The following PDE6B variants were observed in gnomAD, a reference collection of about 807,000 sequenced individuals.
The protein encoded by PDE6B is phosphodiesterase 6B, also known as rod cGMP-specific 3',5'-cyclic phosphodiesterase subunit beta.
A neutral mutation model predicts 109.0 loss-of-function variants in PDE6B; 106 were observed. The observed-to-expected ratio is 0.97, with a 90% CI of 0.83 to 1.14. The LOEUF (loss-of-function observed/expected upper bound fraction) is 1.14, where lower values mean the gene tolerates loss of function less well. Among genes scored for constraint, PDE6B ranks in the 50% most tolerant of loss-of-function variants. The probability of loss-of-function intolerance (pLI) is 0.00; values close to 1 mark genes in which losing one functional copy is unlikely to be tolerated. For synonymous variants in PDE6B, 490 were observed against 471.3 expected, an observed-to-expected ratio of 1.04 and a Z score of -0.51; for missense variants, 1,193 against 1,155.6, an observed-to-expected ratio of 1.03 and a Z score of -0.47.
chr4:638,225 C>T lies in PDE6B; in HGVS notation c.711+2256C>T, dbSNP rs1274828683. 3.3e-5 allele frequency among the ~76,000 whole-genome samples: 5 copies of T among 152,202 alleles called. No homozygotes were observed. The East Asian group carries it at 7.7e-4, about 23-fold the overall frequency. ...CACGTCTATTCATTTACATATTTGC[C>T]ATCTGTACATCTTAATCTTTGGTGA... On this transcript the variant is annotated intron_variant, in intron 3 of 21. Transcript: ENST00000496514.
At chr4:647,868 T>A (rs1471946522) in intron 3 of PDE6B, among the ~76,000 whole-genome samples, 1 of 150,896 alleles carries the variant, frequency 6.6e-6, no homozygotes, top group Non-Finnish European at 1.5e-5. Flanking sequence ...AGGTCAGGAG[T>A]TCGAGACCAG....
In PDE6B at chr4:636,001, G is replaced by C. The variant is rs369780942; in HGVS notation, c.711+32G>C. On this transcript the variant is annotated intron_variant, in intron 3 of 21. Transcript: ENST00000496514. The surrounding 1 kb of genome is among the most constrained non-coding windows in gnomAD (Gnocchi z 4.5). ...ACACGCTGAGCACAGCTCTGCCCAC[G>C]AGGGCCAGGGTCCCTCCGCCCATCT... 1.9e-5 allele frequency: 24 copies of C among 1,284,196 alleles called. No individual in the cohort carries two copies. The allele number at this position is 1,284,196 out of a possible 1,614,324, so 79.6% of individuals were successfully genotyped here.
At position 667,301 on chromosome 4, in the gene PDE6B, G is replaced by A. The variant is rs576553388; in HGVS notation, c.2353-555G>A. 2.8e-4 allele frequency among the ~76,000 whole-genome samples: 42 copies of A among 151,602 alleles called. No individual in the cohort carries two copies. The South Asian group carries it at 8.0e-3, about 29-fold the overall frequency. On this transcript the variant is annotated intron_variant, in intron 20 of 21. Transcript: ENST00000496514. ...CCGGAGTGGGCTGTGCCCACTCCCC[G>A]CCCCATCCTACCCACCCCGGGTCGT...
intron 3 of PDE6B, among the ~76,000 whole-genome samples, chr4:644,700 T>A (rs1735114867): frequency 6.6e-6 from 1 of 151,910 alleles, no homozygotes; most frequent in African/African-American, 2.4e-5. Flanking sequence ...CACCTACTTT[T>A]TATATTTTTA....
At chr4:660,293 CA>C (rs1736908075) in intron 11 of PDE6B, among the ~76,000 whole-genome samples, 173 bp from the exon 12 acceptor site, 2 of 152,180 alleles carry the variant, frequency 1.3e-5, no homozygotes, top group Non-Finnish European at 2.9e-5. Context: ...GAGGCTGAGC[CA>C]GGGGGGCGTG....
chr4:665,017 C>G lies in PDE6B; in HGVS notation c.2193+73C>G, dbSNP rs561529517. ...ATGGGACTGCCGGGCGGGCGGGAGC[C>G]TCGGATGGCAACGGACCATTGTTTG... On this transcript the variant is annotated intron_variant, in intron 18 of 21. Coordinates refer to ENST00000496514, the MANE Select transcript of PDE6B (RefSeq NM_000283.4). This position sits in a 1 kb window ranked among gnomAD's most constrained non-coding sequence, Gnocchi z 4.0. 4.8e-6 allele frequency: 6 copies of G among 1,241,018 alleles called. No homozygotes were observed. The East Asian group carries it at 1.4e-4, about 29-fold the overall frequency. 76.9% of individuals were successfully genotyped at this position (1,241,018 alleles called of 1,614,324 possible). A position where few individuals can be genotyped will look rare whatever the true frequency, so the allele number is the denominator to read the frequency against.
intron 3 of PDE6B, among the ~76,000 whole-genome samples, chr4:645,698 CCT>C (rs1039698216): frequency 2.0e-5 from 3 of 152,034 alleles, no homozygotes; most frequent in South Asian, 2.1e-4. Flanking sequence ...ATTATCATCC[CCT>C]CTTTTTTTCT....
intron 21 of PDE6B, among the ~76,000 whole-genome samples, chr4:669,164 C>T (rs77548085): frequency 5.7e-4 from 1 of 1,750 alleles, no homozygotes; most frequent in Non-Finnish European, 1.2e-3. Flanking sequence ...CACTACCCCA[C>T]GCTATTCCCC....
chr4:659,188 C>T (rs944513046), intron 11 of PDE6B, among the ~76,000 whole-genome samples, 171 bp downstream of exon 11: 7 of 152,200 alleles, frequency 4.6e-5, no homozygotes, highest in Non-Finnish European at 1.5e-5. Context: ...CGTGTGTGTA[C>T]ATAAGCCTGG....
chr4:663,640 G>C lies in PDE6B; in HGVS notation c.1921-130G>C, dbSNP rs868589583. On this transcript the variant is annotated intron_variant, in intron 15 of 21. Coordinates refer to ENST00000496514, the MANE Select transcript of PDE6B (RefSeq NM_000283.4). The surrounding 1 kb of genome is among the most constrained non-coding windows in gnomAD (Gnocchi z 4.0). ...GCCCTGAGCAGCAGGCGGATTAGGG[G>C]TCCCGCCCACCGAGGGCCCGAGGGC... 44 of 722,550 alleles carry C rather than the reference G, an allele frequency of 6.1e-5. No individual in the cohort carries two copies. In the African/African-American group the frequency reaches 7.0e-4, roughly 11 times the overall value. 44.8% of individuals were successfully genotyped at this position (722,550 alleles called of 1,614,324 possible).
rs1349310171 is a variant in PDE6B, at chr4:660,353, C to T, written c.1468-114C>T. On this transcript the variant is annotated intron_variant, in intron 11 of 21. Coordinates refer to ENST00000496514, the MANE Select transcript of PDE6B (RefSeq NM_000283.4). ...GAGCGCCAGGAATGACACATCTCCT[C>T]AGAGATGCCTGAGGTGTCTGAGGCT... The T allele has an allele frequency of 1.1e-5, 12 of 1,077,034 alleles. No individual in the cohort carries two copies. The African/African-American group carries it at 1.7e-4, about 15-fold the overall frequency. The allele number at this position is 1,077,034 out of a possible 1,614,324, so 66.7% of individuals were successfully genotyped here.
chr4:670,135 T>G lies in PDE6B; in HGVS notation c.*28T>G. ...ACTGGTCCCATGGGGACCCTATGGC[T>G]CCCTCAATCTTCACCCACTAGGATT... On this transcript the variant is annotated 3_prime_UTR_variant, in exon 22 of 22. Coordinates refer to ENST00000496514, the MANE Select transcript of PDE6B (RefSeq NM_000283.4). The G allele has an allele frequency of 6.2e-7, 1 of 1,611,428 alleles. No homozygotes were observed. The highest frequency in any genetic ancestry group is 8.5e-7 in the Non-Finnish European group (1 of 1,178,254).
chr4:660,523 C>G lies in PDE6B; in HGVS notation c.1524C>G (p.Asp508Glu). Residue 508 changes from aspartate to glutamate, a missense_variant, in exon 12 of 22, where the codon GAC (aspartate) becomes GAG (glutamate). By Grantham distance (45) the Asp-to-Glu change is conservative. Transcript: ENST00000496514. ...ACATCTACGAATTCCACTTCTCTGACCTGGAGTGCACCGAACTGGACCTGG... is the reference window on the plus strand; with the variant it reads ...ACATCTACGAATTCCACTTCTCTGAGCTGGAGTGCACCGAACTGGACCTGG... ...TFDIYEFHFS[D>E]LECTELDLVK... 1 of 1,613,532 alleles carries G rather than the reference C, an allele frequency of 6.2e-7. No individual in the cohort carries two copies. Among genetic ancestry groups the G allele is most frequent in the Non-Finnish European group, 8.5e-7 (1 of 1,179,572 alleles).
chr4:655,985 C>A lies in PDE6B; in HGVS notation c.1038C>A (p.Ser346Arg). Reference protein sequence around the residue: ...DHWALASGLPSYVAESGFICN... With the variant: ...DHWALASGLPRYVAESGFICN... ...GGGCCCTGGCCAGCGGCCTTCCAAG[C>A]TACGTGGCAGAAAGCGGCTTTGTGA... The change falls in exon 7 of 22, where the codon AGC (serine) becomes AGA (arginine). Residue 346 changes from serine (S) to arginine (R), a missense_variant. Physicochemically the swap from Ser to Arg is moderately radical, Grantham distance 110. Transcript: ENST00000496514. The A allele has an allele frequency of 1.2e-6, 2 of 1,609,812 alleles. No individual in the cohort carries two copies. Among genetic ancestry groups the A allele is most frequent in the Non-Finnish European group, 1.7e-6 (2 of 1,176,378 alleles).
At position 625,937 on chromosome 4, in the gene PDE6B, C is replaced by G; in HGVS notation, c.311C>G (p.Ala104Gly). Residue 104 changes from alanine to glycine, a missense_variant, in exon 1 of 22, where the codon GCC becomes GGC. By Grantham distance (60) the Ala-to-Gly change is moderately conservative. Transcript: ENST00000496514. This position sits in a 1 kb window ranked among gnomAD's most constrained non-coding sequence, Gnocchi z 5.0. ...ATGTACCGCCAGCGCAACGGCGTGGCCGAGCTGGCCACCAGGCTTTTCAGC... is the reference window on the plus strand; with the variant it reads ...ATGTACCGCCAGCGCAACGGCGTGGGCGAGCTGGCCACCAGGCTTTTCAGC... ...LFMYRQRNGVAELATRLFSVQ... is the reference protein window; with the variant it reads ...LFMYRQRNGVGELATRLFSVQ... 1.3e-6 allele frequency: 2 copies of G among 1,592,192 alleles called. No individual in the cohort carries two copies. The highest frequency in any genetic ancestry group is 1.7e-6 in the Non-Finnish European group (2 of 1,169,572).
chr4:663,925 C>T lies in PDE6B; in HGVS notation c.2021+55C>T, dbSNP rs1393737206. The stretch of plus-strand genomic sequence containing the variant: ...CGGGGCGGGCGGGTAGCCTGGGACC[C>T]CCGGCAGACACGGGGGCGCAGCGGC... On this transcript the variant is annotated intron_variant, in intron 16 of 21. Coordinates refer to ENST00000496514, the MANE Select transcript of PDE6B (RefSeq NM_000283.4). This position sits in a 1 kb window ranked among gnomAD's most constrained non-coding sequence, Gnocchi z 4.0. 25 of 1,352,684 alleles carry T rather than the reference C, an allele frequency of 1.8e-5. No individual in the cohort carries two copies. Among genetic ancestry groups the T allele is most frequent in the Admixed American group, 3.9e-5 (2 of 51,922 alleles). The allele number at this position is 1,352,684 out of a possible 1,614,324, so 83.8% of individuals were successfully genotyped here.
chr4:651,734 T>C (rs1735577283), intron 3 of PDE6B: 1 of 150,458 alleles, frequency 6.6e-6, no homozygotes, highest in African/African-American at 2.5e-5. Context: ...GCCGGGGCTA[T>C]GGGGAGCCGT....
intron 1 of PDE6B, among the ~76,000 whole-genome samples, chr4:629,294 C>G (rs747656857): frequency 1.3e-5 from 2 of 152,212 alleles, no homozygotes; most frequent in Non-Finnish European, 2.9e-5. Context: ...ACCAGCCCCC[C>G]CATCACCCCT....
chr4:640,261 C>CAATAA (rs1176263408), intron 3 of PDE6B, among the ~76,000 whole-genome samples: 1 of 152,052 alleles, frequency 6.6e-6, no homozygotes, highest in Non-Finnish European at 1.5e-5. Context: ...TCCAATTGGC[C>CAATAA]AGGCGTGGTG....
Sources: allele counts gnomAD v4.1 joint callset (sites outside exome capture counted in the v4.1 genomes callset), GRCh38; gene constraint gnomAD v4.1.1; non-coding constraint Gnocchi (gnomAD v3.1); transcripts MANE v1.5; gene names NCBI Gene and HGNC (gene_info 2026-07-23, HGNC 2026-07-21).